Variants in WIPF1 observed in about 807,000 individuals in gnomAD.
WIPF1 encodes WAS/WASL interacting protein family member 1.
Under a neutral mutation model 35.4 loss-of-function variants are expected in WIPF1, and 13 were observed. The ratio of observed to expected loss-of-function variants is 0.37; its 90% CI spans 0.24 to 0.58. WIPF1 has a LOEUF of 0.58. Among genes scored for constraint, WIPF1 ranks in the 20% least tolerant of loss-of-function variants. The probability of loss-of-function intolerance (pLI) is 0.74; values close to 1 mark genes in which losing one functional copy is unlikely to be tolerated. For synonymous variants in WIPF1, 267 were observed against 266.3 expected (o/e 1.00, Z -0.02); for missense variants, 591 against 667.0 (o/e 0.89, Z 1.25).
At chr2:174,573,988 C>A (rs1684965541) in intron 4 of WIPF1, among the ~76,000 whole-genome samples, 1 of 150,762 alleles carries the variant, frequency 6.6e-6, no homozygotes, top group Non-Finnish European at 1.5e-5. Context: ...TTCCTGGGCT[C>A]AGGCAATCCT....
intron 7 of WIPF1, among the ~76,000 whole-genome samples, chr2:174,565,376 TA>T (rs1684626334): frequency 1.3e-5 from 2 of 152,340 alleles, no homozygotes; most frequent in East Asian, 3.9e-4. Context: ...AATTTTCCTA[TA>T]TTTTCTAACT....
chr2:174,600,827 T>C (rs559323774), upstream of WIPF1, among the ~76,000 whole-genome samples: 3 of 151,886 alleles, frequency 2.0e-5, no homozygotes, highest in Non-Finnish European at 4.4e-5. Flanking sequence ...TGCTTCAGCA[T>C]CTAATGCAGG....
At chr2:174,591,160 G>A (rs569499586) in intron 1 of WIPF1, among the ~76,000 whole-genome samples, 54 of 152,190 alleles carry the variant, frequency 3.5e-4, no homozygotes, top group Non-Finnish European at 5.6e-4. Flanking sequence ...CAGTGAGAAG[G>A]TGGCAAACCA....
chr2:174,596,943 T>A (rs2105872131), intron 1 of WIPF1, among the ~76,000 whole-genome samples: 1 of 152,370 alleles, frequency 6.6e-6, no homozygotes, highest in South Asian at 2.1e-4. Context: ...CTTGAAATTT[T>A]AAAAATCACA....
Position 174,572,276 on chromosome 2 carries a change from C to A in WIPF1, c.529G>T (p.Gly177Cys). The A allele has an allele frequency of 1.2e-6, 2 of 1,614,076 alleles. No individual in the cohort carries two copies. Among genetic ancestry groups the A allele is most frequent in the Non-Finnish European group, 1.7e-6 (2 of 1,180,018 alleles). Residue 177 changes from glycine (G) to cysteine (C), a missense_variant, in exon 5 of 8, where the codon GGC (glycine) becomes TGC (cysteine). Physicochemically the swap from Gly to Cys is radical, Grantham distance 159. Coordinates refer to ENST00000679041, the MANE Select transcript of WIPF1 (RefSeq NM_001375834.1). ...NRMPPPRPDV[G>C]SKPDSIPPPV... ...GGAGGAATGCTATCAGGCTTTGAGCCCACGTCGGGCCTTGGGGGCGGCATT... is the reference window on the plus strand; with the variant it reads ...GGAGGAATGCTATCAGGCTTTGAGCACACGTCGGGCCTTGGGGGCGGCATT...
intron 1 of WIPF1, among the ~76,000 whole-genome samples, chr2:174,668,962 A>T (rs1324082645): frequency 6.6e-6 from 1 of 152,224 alleles, no homozygotes; most frequent in African/African-American, 2.4e-5. Context: ...GGGCCAGCTG[A>T]TTACCCTCAA....
rs148386777 is a variant in WIPF1, at chr2:174,566,670, G to A, written c.1456+400C>T. On this transcript the variant is annotated intron_variant, in intron 7 of 7. Coordinates refer to ENST00000679041, the MANE Select transcript of WIPF1 (RefSeq NM_001375834.1). ...CTCTGTAAAGCTATGATTACAATAC[G>A]TTTAAAAGATCAAGGCAGTTAAAGG... 3.2e-3 allele frequency: 519 copies of A among 163,168 alleles called. 11 individuals are homozygous for A. The highest frequency in any genetic ancestry group is 0.017 in the East Asian group (96 of 5,660). 10.1% of individuals were successfully genotyped at this position (163,168 alleles called of 1,614,324 possible).
At chr2:174,607,647 C>T (rs577056296) in intron 1 of WIPF1, among the ~76,000 whole-genome samples, 1 of 152,228 alleles carries the variant, frequency 6.6e-6, no homozygotes, top group East Asian at 1.9e-4. Context: ...CCTACCTTCT[C>T]CCCCCATCTC....
At chr2:174,614,584 T>G (rs1042568968) in intron 1 of WIPF1, among the ~76,000 whole-genome samples, 6 of 152,172 alleles carry the variant, frequency 3.9e-5, no homozygotes, top group Admixed American at 1.3e-4. Context: ...CATTCTGACG[T>G]GAAAGGTACT....
chr2:174,565,154 C>G (rs1684617659), intron 7 of WIPF1, among the ~76,000 whole-genome samples: 1 of 152,090 alleles, frequency 6.6e-6, no homozygotes. Flanking sequence ...CTCAGCCTCC[C>G]AAAGTGCTGG....
chr2:174,674,056 T>C (rs1688077531), intron 1 of WIPF1, among the ~76,000 whole-genome samples: 1 of 152,206 alleles, frequency 6.6e-6, no homozygotes, highest in Non-Finnish European at 1.5e-5. Context: ...TGAATCCAGT[T>C]GTGCAGCTGT....
In WIPF1 at chr2:174,566,908, A is replaced by C. The variant is rs187371466; in HGVS notation, c.1456+162T>G. ...TCTCATATGCATTCTGGGCATCTGC[A>C]ATTTCCTCACTGCCTGTGGAAGGGG... On this transcript the variant is annotated intron_variant, in intron 7 of 7. Coordinates refer to ENST00000679041, the MANE Select transcript of WIPF1 (RefSeq NM_001375834.1). 181 of 600,782 alleles carry C rather than the reference A, an allele frequency of 3.0e-4. 1 individual carries two copies. In the Admixed American group the frequency reaches 5.4e-3, roughly 18 times the overall value. The allele number at this position is 600,782 out of a possible 1,614,324, so 37.2% of individuals were successfully genotyped here.
intron 1 of WIPF1, among the ~76,000 whole-genome samples, chr2:174,616,969 A>AT (rs112914331): frequency 0.016 from 2,468 of 149,686 alleles, 66 homozygotes; most frequent in African/African-American, 0.055. Flanking sequence ...GATTTATTTG[A>AT]TTTTTTTTTC....
At chr2:174,665,625 C>T (rs539106671) in intron 1 of WIPF1, 1 of 143,714 alleles carries the variant, frequency 7.0e-6, no homozygotes, top group African/African-American at 3.0e-5. Context: ...TGGGTTGCAA[C>T]CGGCTTTTTC....
intron 1 of WIPF1, among the ~76,000 whole-genome samples, chr2:174,608,497 GTTTT>G (rs542011037): frequency 2.5e-4 from 38 of 152,078 alleles, no homozygotes; most frequent in African/African-American, 8.7e-4. Flanking sequence ...GACCATTCAT[GTTTT>G]TTTCTTTTTT....
At chr2:174,636,262 T>TGTGTGGAATTTTTAAA (rs1346214047) in intron 1 of WIPF1, among the ~76,000 whole-genome samples, 2 of 152,250 alleles carry the variant, frequency 1.3e-5, no homozygotes, top group African/African-American at 4.8e-5. Context: ...AGCCGTGTTC[T>TGTGTGGAATTTTTAAA]GTGTGGAATT....
chr2:174,641,554 T>C (rs1687293883), intron 1 of WIPF1, among the ~76,000 whole-genome samples: 1 of 152,248 alleles, frequency 6.6e-6, no homozygotes, highest in Non-Finnish European at 1.5e-5. Context: ...TTTCTTTTAA[T>C]GGACAGAGAC....
intron 1 of WIPF1, among the ~76,000 whole-genome samples, chr2:174,639,162 T>A (rs2105945175): frequency 1.3e-5 from 2 of 152,346 alleles, no homozygotes; most frequent in Non-Finnish European, 2.9e-5. Context: ...TAGAGTGAAG[T>A]ATATCTCACT....
chr2:174,627,994 A>G (rs971943232), intron 1 of WIPF1, among the ~76,000 whole-genome samples: 1 of 152,156 alleles, frequency 6.6e-6, no homozygotes, highest in Non-Finnish European at 1.5e-5. Context: ...AAGACCCCTA[A>G]GAGTGGCATT....
Sources: allele counts gnomAD v4.1 joint callset (sites outside exome capture counted in the v4.1 genomes callset), GRCh38; gene constraint gnomAD v4.1.1; transcripts MANE v1.5; gene names NCBI Gene and HGNC (gene_info 2026-07-23, HGNC 2026-07-21).